Variants in CDK7 observed in about 807,000 individuals in gnomAD.
CDK7 encodes the protein cyclin-dependent kinase 7.
A neutral mutation model predicts 49.1 loss-of-function variants in CDK7; 25 were observed. The observed-to-expected ratio is 0.51, with a 90% CI of 0.37 to 0.71. The LOEUF is 0.71. Among genes scored for constraint, CDK7 ranks in the 30% least tolerant of loss-of-function variants. CDK7 has a pLI of 0.00. For synonymous variants in CDK7, 107 were observed against 140.0 expected (o/e 0.76, Z 1.67); for missense variants, 316 against 411.7 (o/e 0.77, Z 2.01).
At chr5:69,262,546 G>A (rs187548867) in intron 8 of CDK7, among the ~76,000 whole-genome samples, 8 of 151,952 alleles carry the variant, frequency 5.3e-5, no homozygotes, top group South Asian at 2.1e-4. Context: ...GCGGGTGCCT[G>A]TAGTCCCAGC....
chr5:69,274,357 C>T (rs76184795), intron 10 of CDK7, among the ~76,000 whole-genome samples: 142 of 152,166 alleles, frequency 9.3e-4, no homozygotes, highest in African/African-American at 3.3e-3. Flanking sequence ...AGCTGTAGGC[C>T]GGTGCATCGG....
intron 8 of CDK7, among the ~76,000 whole-genome samples, chr5:69,267,359 C>T (rs1027126518): frequency 5.3e-5 from 7 of 131,286 alleles, no homozygotes; most frequent in Non-Finnish European, 1.1e-4. Flanking sequence ...AGTGCGGTGG[C>T]GTGATCTCAG....
intron 9 of CDK7, 40 bp from the exon 10 acceptor site, chr5:69,272,852 C>T: frequency 1.4e-6 from 2 of 1,399,944 alleles, no homozygotes; most frequent in Non-Finnish European, 2.0e-6. Context: ...ATCTATATGC[C>T]TTTAATCCTT....
intron 2 of CDK7, among the ~76,000 whole-genome samples, chr5:69,236,145 G>A (rs1197925615): frequency 6.6e-6 from 1 of 151,848 alleles, no homozygotes; most frequent in Non-Finnish European, 1.5e-5. Flanking sequence ...GGAGGCTGAG[G>A]CAGGAGAATC....
At chr5:69,235,289 GTCTGC>G in intron 1 of CDK7, 100 bp from the exon 2 acceptor site, 1 of 909,940 alleles carries the variant, frequency 1.1e-6, no homozygotes, top group South Asian at 1.4e-5. Flanking sequence ...GCCGCCGCGA[GTCTGC>G]TCAGGAACTC....
At chr5:69,245,859 AATT>A (rs1377770714) in intron 2 of CDK7, among the ~76,000 whole-genome samples, 1 of 152,136 alleles carries the variant, frequency 6.6e-6, no homozygotes, top group African/African-American at 2.4e-5. Flanking sequence ...AGTAGCCACT[AATT>A]ATCCTTTGGA....
intron 2 of CDK7, among the ~76,000 whole-genome samples, chr5:69,237,208 C>G (rs1254511024): frequency 1.3e-5 from 2 of 151,976 alleles, no homozygotes; most frequent in Non-Finnish European, 2.9e-5. Flanking sequence ...TAAAGTAATC[C>G]TTCCACCCCA....
chr5:69,259,764 A>G (rs769981539), intron 6 of CDK7, 54 bp from the exon 7 acceptor site: 8 of 1,100,628 alleles, frequency 7.3e-6, no homozygotes, highest in Non-Finnish European at 1.1e-5. Context: ...ATGTAGCACT[A>G]CAGTGTTCTC....
chr5:69,241,761 A>AT (rs1042797806), intron 2 of CDK7, among the ~76,000 whole-genome samples: 3 of 151,976 alleles, frequency 2.0e-5, no homozygotes, highest in South Asian at 2.1e-4. Flanking sequence ...GGATTATTAG[A>AT]TTTTTTTCAT....
chr5:69,252,176 A>G (rs1367203283), intron 2 of CDK7, among the ~76,000 whole-genome samples: 1 of 152,148 alleles, frequency 6.6e-6, no homozygotes, highest in South Asian at 2.1e-4. Flanking sequence ...TCTTAATTTT[A>G]TTATTTGAAT....
intron 7 of CDK7, 22 bp from the exon 8 acceptor site, chr5:69,262,183 A>G (rs1750868930): frequency 6.2e-7 from 1 of 1,612,620 alleles, no homozygotes; most frequent in African/African-American, 1.3e-5. Flanking sequence ...CTAAAATGAT[A>G]CTAATTCTTT....
chr5:69,235,519 A>G (rs1211399360), intron 2 of CDK7, 66 bp downstream of exon 2: 2 of 1,061,972 alleles, frequency 1.9e-6, no homozygotes, highest in Non-Finnish European at 2.9e-6. Context: ...ATTGACTGAT[A>G]GCCATTTTAT....
chr5:69,236,572 CTG>C (rs1477101180), intron 2 of CDK7, among the ~76,000 whole-genome samples: 4 of 152,156 alleles, frequency 2.6e-5, no homozygotes, highest in Non-Finnish European at 5.9e-5. Flanking sequence ...CCTCCAAGTA[CTG>C]TCTTGCATTC....
intron 1 of CDK7, 95 bp downstream of exon 1, chr5:69,235,136 C>A: frequency 8.2e-7 from 1 of 1,213,448 alleles, no homozygotes; most frequent in South Asian, 1.3e-5. Flanking sequence ...AGAGGTCTGG[C>A]TTGGCTGCTC....
intron 6 of CDK7, among the ~76,000 whole-genome samples, 168 bp downstream of exon 6, chr5:69,258,321 G>T (rs1750612163): frequency 6.6e-6 from 1 of 150,648 alleles, no homozygotes; most frequent in Non-Finnish European, 1.5e-5. Flanking sequence ...AGTTGGTGCT[G>T]TAAGGACTCC....
chr5:69,246,270 G>A (rs1749749193), intron 2 of CDK7, among the ~76,000 whole-genome samples: 1 of 152,082 alleles, frequency 6.6e-6, no homozygotes, highest in Admixed American at 6.6e-5. Context: ...CTGAGTAGCT[G>A]GGATTACAGG....
At chr5:69,260,543 T>C (rs1750750085) in intron 7 of CDK7, among the ~76,000 whole-genome samples, 2 of 152,252 alleles carry the variant, frequency 1.3e-5, no homozygotes, top group African/African-American at 4.8e-5. Context: ...GATATTCTTC[T>C]ACCTAATCAT....
At chr5:69,251,700 T>C (rs1750157688) in intron 2 of CDK7, among the ~76,000 whole-genome samples, 2 of 152,030 alleles carry the variant, frequency 1.3e-5, no homozygotes, top group Non-Finnish European at 2.9e-5. Context: ...CTGGCTAATT[T>C]TTAAAAATGT....
intron 2 of CDK7, among the ~76,000 whole-genome samples, chr5:69,245,579 G>A (rs564686596): frequency 1.3e-5 from 2 of 151,918 alleles, no homozygotes; most frequent in African/African-American, 4.8e-5. Flanking sequence ...GACCTCAAGT[G>A]ATCGGCCTGC....
Sources: allele counts gnomAD v4.1 joint callset (sites outside exome capture counted in the v4.1 genomes callset), GRCh38; gene constraint gnomAD v4.1.1; transcripts MANE v1.5; gene names NCBI Gene and HGNC (gene_info 2026-07-23, HGNC 2026-07-21).